The following KCNH7 variants were observed in gnomAD, a reference collection of about 807,000 sequenced individuals.
KCNH7 encodes voltage-gated inwardly rectifying potassium channel KCNH7.
KCNH7 carries 49 observed loss-of-function variants against 120.8 expected under a neutral mutation model. The observed-to-expected ratio is 0.41, with a 90% CI of 0.32 to 0.51. The LOEUF is 0.51. KCNH7 is among the 20% of genes least tolerant of loss of function. KCNH7 has a pLI of 0.38. For missense variants in KCNH7, 1,097 were observed against 1,446.6 expected, an observed-to-expected ratio of 0.76 and a Z score of 3.92; for synonymous variants, 547 against 516.1, an observed-to-expected ratio of 1.06 and a Z score of -0.81.
At chr2:162,425,143 G>A (rs1454021987) in intron 8 of KCNH7, among the ~76,000 whole-genome samples, 1 of 152,044 alleles carries the variant, frequency 6.6e-6, no homozygotes, top group Non-Finnish European at 1.5e-5. Flanking sequence ...CTTGCGCTCC[G>A]ACTCAGACTG....
chr2:162,425,119 C>T (rs1019804180), intron 8 of KCNH7, among the ~76,000 whole-genome samples: 1 of 152,094 alleles, frequency 6.6e-6, no homozygotes, highest in Non-Finnish European at 1.5e-5. Flanking sequence ...TATCAGTCTA[C>T]TCCAGCCTTT....
intron 2 of KCNH7, among the ~76,000 whole-genome samples, chr2:162,727,627 AG>A (rs1243750761): frequency 1.3e-5 from 2 of 152,180 alleles, no homozygotes; most frequent in African/African-American, 4.8e-5. Context: ...TTCCCTCAGC[AG>A]GATGTTTTTA....
At chr2:162,488,590 A>G (rs1690184405) in intron 6 of KCNH7, among the ~76,000 whole-genome samples, 1 of 152,158 alleles carries the variant, frequency 6.6e-6, no homozygotes, top group African/African-American at 2.4e-5. Context: ...ATAAGTAACA[A>G]AACTTTCTAT....
chr2:162,509,207 G>T (rs925002813), intron 5 of KCNH7, among the ~76,000 whole-genome samples: 1 of 151,424 alleles, frequency 6.6e-6, no homozygotes, highest in Non-Finnish European at 1.5e-5. Flanking sequence ...AAATTTATAC[G>T]ATGAGGCTAT....
intron 2 of KCNH7, among the ~76,000 whole-genome samples, chr2:162,663,998 T>C (rs1427022402): frequency 6.6e-6 from 1 of 152,142 alleles, no homozygotes; most frequent in Admixed American, 6.6e-5. Context: ...CCAACTCAAC[T>C]TTCTTTCCAA....
intron 2 of KCNH7, among the ~76,000 whole-genome samples, chr2:162,681,228 A>G (rs1012148067): frequency 3.3e-5 from 5 of 151,770 alleles, no homozygotes; most frequent in Non-Finnish European, 7.4e-5. Context: ...TGTAAAAATA[A>G]AGCTTTTATT....
chr2:162,747,991 G>T (rs1014845648), intron 2 of KCNH7, among the ~76,000 whole-genome samples: 2 of 152,058 alleles, frequency 1.3e-5, no homozygotes, highest in African/African-American at 4.8e-5. Flanking sequence ...CCCCTTTATG[G>T]TTTACAGAAA....
intron 13 of KCNH7, among the ~76,000 whole-genome samples, chr2:162,380,671 A>G (rs1573893103): frequency 6.6e-6 from 1 of 152,088 alleles, no homozygotes; most frequent in Non-Finnish European, 1.5e-5. Context: ...GCTTTCTAGT[A>G]TGTTTTTCTT....
chr2:162,612,072 A>C (rs1682988962), intron 2 of KCNH7, among the ~76,000 whole-genome samples: 1 of 152,226 alleles, frequency 6.6e-6, no homozygotes, highest in Non-Finnish European at 1.5e-5. Context: ...AAGCCCTATG[A>C]ATGCAAAAGA....
chr2:162,601,153 G>C (rs753603222), intron 2 of KCNH7, among the ~76,000 whole-genome samples: 2 of 151,976 alleles, frequency 1.3e-5, no homozygotes, highest in African/African-American at 2.4e-5. Context: ...GGAGAAGAAT[G>C]TGATTGGTTA....
intron 2 of KCNH7, among the ~76,000 whole-genome samples, chr2:162,758,285 G>A (rs1688854456): frequency 6.6e-6 from 1 of 152,098 alleles, no homozygotes; most frequent in African/African-American, 2.4e-5. Context: ...ACATTGGGCA[G>A]GACCCAGTAT....
At chr2:162,482,815 A>G (rs1689973419) in intron 6 of KCNH7, among the ~76,000 whole-genome samples, 1 of 152,172 alleles carries the variant, frequency 6.6e-6, no homozygotes, top group Admixed American at 6.6e-5. Flanking sequence ...ATTTTTCTGG[A>G]TAGCTATACC....
intron 6 of KCNH7, among the ~76,000 whole-genome samples, chr2:162,489,730 C>T (rs1450074913): frequency 2.0e-5 from 3 of 152,152 alleles, no homozygotes; most frequent in Non-Finnish European, 4.4e-5. Context: ...ATTGTCATTT[C>T]AATTTGCGTA....
At chr2:162,628,588 C>A (rs1683641836) in intron 2 of KCNH7, among the ~76,000 whole-genome samples, 1 of 152,074 alleles carries the variant, frequency 6.6e-6, no homozygotes, top group South Asian at 2.1e-4. Context: ...TCCTCTCCTT[C>A]ATCCCATTTT....
At chr2:162,470,688 G>A (rs57054590) in intron 6 of KCNH7, among the ~76,000 whole-genome samples, 15,539 of 151,832 alleles carry the variant, frequency 0.1, 1,219 homozygotes, top group African/African-American at 0.22. Flanking sequence ...CTGCCCAGCC[G>A]CCCCTACTGG....
chr2:162,484,171 C>T (rs1167656794), intron 6 of KCNH7, among the ~76,000 whole-genome samples: 1 of 151,718 alleles, frequency 6.6e-6, no homozygotes, highest in African/African-American at 2.4e-5. Flanking sequence ...AATAGCAGAA[C>T]TAGACCAAAT....
At chr2:162,496,273 G>A (rs538629705) in intron 6 of KCNH7, among the ~76,000 whole-genome samples, 1 of 152,172 alleles carries the variant, frequency 6.6e-6, no homozygotes, top group African/African-American at 2.4e-5. Context: ...TAGGCAGACA[G>A]TAAGGAAAGG....
chr2:162,575,598 A>G (rs1414458176), intron 2 of KCNH7, among the ~76,000 whole-genome samples: 1 of 151,952 alleles, frequency 6.6e-6, no homozygotes, highest in Non-Finnish European at 1.5e-5. Flanking sequence ...GTTATATCCT[A>G]CTATGTTATA....
At chr2:162,487,179 A>T (rs1690125764) in intron 6 of KCNH7, among the ~76,000 whole-genome samples, 1 of 152,210 alleles carries the variant, frequency 6.6e-6, no homozygotes, top group Non-Finnish European at 1.5e-5. Context: ...TTCACTTTTA[A>T]CATAAATCTT....
Sources: gnomAD v4.1 joint callset for allele counts (sites outside exome capture counted in the v4.1 genomes callset) on GRCh38, gnomAD v4.1.1 for gene constraint, MANE v1.5 for transcripts, NCBI Gene and HGNC (gene_info 2026-07-23, HGNC 2026-07-21) for gene names.